The following NOC2L variants were observed in gnomAD, a reference collection of about 807,000 sequenced individuals.
The protein encoded by NOC2L is NOC2 like nucleolar associated transcriptional repressor, also known as nucleolar complex protein 2 homolog.
Under a neutral mutation model 94.2 loss-of-function variants are expected in NOC2L, and 101 were observed. That is an observed-to-expected ratio of 1.07 (90% confidence interval 0.91 to 1.26). NOC2L has a LOEUF of 1.26. Ranked by LOEUF, NOC2L falls within the 50% of genes most tolerant of loss-of-function variation. NOC2L has a pLI of 0.00. For synonymous variants in NOC2L, 531 were observed against 413.4 expected (o/e 1.28, Z -3.45); for missense variants, 1,076 against 980.1 (o/e 1.10, Z -1.31).
chr1:954,353 G>A, intron 6 of NOC2L: 1 of 433,112 alleles, frequency 2.3e-6, no homozygotes, highest in Non-Finnish European at 4.1e-6. Context: ...GTCCCCGGAA[G>A]TCCCAGCCTC....
intron 12 of NOC2L, among the ~76,000 whole-genome samples, chr1:950,533 ACACGCAAAG>A (rs1468642226): frequency 1.3e-5 from 2 of 152,080 alleles, no homozygotes; most frequent in African/African-American, 4.8e-5. Flanking sequence ...ACGCAAAGGT[ACACGCAAAG>A]GTACACACAT....
intron 6 of NOC2L, 46 bp downstream of exon 6, chr1:955,877 C>T (rs1396276331): frequency 1.3e-6 from 2 of 1,510,148 alleles, no homozygotes; most frequent in Admixed American, 1.7e-5. Flanking sequence ...GTGTGTGGTC[C>T]CGACCCACCT....
chr1:952,261 C>T (rs1642280339), intron 10 of NOC2L, 122 bp from the exon 11 acceptor site: 1 of 1,394,630 alleles, frequency 7.2e-7, no homozygotes, highest in Non-Finnish European at 9.9e-7. Flanking sequence ...ACCCATCCAC[C>T]CTTCCCCCAC....
Position 959,014 on chromosome 1 carries a change from A to C in NOC2L, c.94T>G (p.Ser32Ala). The C allele has an allele frequency of 6.2e-7, 1 of 1,612,334 alleles. No individual in the cohort carries two copies. The highest frequency in any genetic ancestry group is 8.5e-7 in the Non-Finnish European group (1 of 1,179,742). Reference protein sequence around the residue: ...SGFDSESESESENSPQAETRE... With the variant: ...SGFDSESESEAENSPQAETRE... ...GTCTCCGCTTGTGGAGAATTTTCGGACTCGGATTCGGACTCGGAGTCAAAG... is the reference window on the plus strand; with the variant it reads ...GTCTCCGCTTGTGGAGAATTTTCGGCCTCGGATTCGGACTCGGAGTCAAAG... Residue 32 changes from serine (S) to alanine (A), a missense_variant, in exon 2 of 19, where the codon TCC becomes GCC. This residue lies in a region of NOC2L where 457 missense variants were observed against 386.0 expected (regional missense o/e 1.18). Coordinates refer to ENST00000327044, the MANE Select transcript of NOC2L (RefSeq NM_015658.4).
intron 6 of NOC2L, 134 bp from the exon 7 acceptor site, chr1:954,216 A>T: frequency 1.3e-6 from 1 of 761,282 alleles, no homozygotes; most frequent in Non-Finnish European, 2.1e-6. Flanking sequence ...CCACTCAAAA[A>T]AGCTCAGGGC....
At position 956,168 on chromosome 1, in the gene NOC2L, T is replaced by G; in HGVS notation, c.534A>C (p.Arg178=). 6.2e-7 allele frequency: 1 copy of G among 1,613,800 alleles called. No homozygotes were observed. Among genetic ancestry groups the G allele is most frequent in the Non-Finnish European group, 8.5e-7 (1 of 1,179,984 alleles). Residue 178 remains arginine (R), a synonymous_variant, in exon 5 of 19, where the codon CGA becomes CGC. Coordinates refer to ENST00000327044, the MANE Select transcript of NOC2L (RefSeq NM_015658.4). ...CCCCTCGGGTGGTGGCCACAGCTGC[T>G]CGGAACGCCTGTACCACTTCATGGA... ...KLFHEVVQAF[R]AAVATTRGDQ...
intron 14 of NOC2L, among the ~76,000 whole-genome samples, chr1:947,216 A>AC (rs1642138957): frequency 6.6e-6 from 1 of 152,018 alleles, no homozygotes; most frequent in South Asian, 2.1e-4. Flanking sequence ...CCTACCCCAG[A>AC]CCCCGACCCT....
rs746453778 is a variant in NOC2L, at chr1:944,705, CTG to C, written c.2237_2238del (p.Ser746Ter). On this transcript the variant is annotated frameshift_variant, in exon 19 of 19. Transcript: ENST00000327044. LOFTEE classifies it high-confidence loss of function. ...CCAGATGGGCTGCCTCAGTCGTCCT[CTG>C]AGAGCTGCAGATCCTCCAGCTCGTC... is the stretch of plus-strand genomic sequence containing the variant. ...PEDELEDLQL[S>X]EDD The C allele has an allele frequency of 1.0e-5, 16 of 1,597,570 alleles. No homozygotes were observed. The Admixed American group carries it at 2.0e-4, about 20-fold the overall frequency.
chr1:950,363 G>C (rs954696129), intron 12 of NOC2L, among the ~76,000 whole-genome samples: 1 of 149,810 alleles, frequency 6.7e-6, no homozygotes, highest in African/African-American at 2.5e-5. Context: ...GTTCATGCAT[G>C]CACAGGTAGA....
intron 6 of NOC2L, 106 bp from the exon 7 acceptor site, chr1:954,188 CAG>C (rs745959137): frequency 9.8e-7 from 1 of 1,023,588 alleles, no homozygotes; most frequent in Admixed American, 2.5e-5. Flanking sequence ...TACGACTCTG[CAG>C]AGACCCCCCG....
chr1:956,320 A>C, intron 4 of NOC2L, 105 bp from the exon 5 acceptor site: 2 of 1,364,718 alleles, frequency 1.5e-6, no homozygotes, highest in Admixed American at 1.9e-5. Context: ...ACCCTCAGAC[A>C]TAGGGCAGAG....
At chr1:950,616 T>C (rs1438520415) in intron 12 of NOC2L, among the ~76,000 whole-genome samples, 1 of 152,022 alleles carries the variant, frequency 6.6e-6, no homozygotes, top group Non-Finnish European at 1.5e-5. Context: ...CATTCATGGA[T>C]ACACGTGCAT....
chr1:951,684 C>T (rs1642264167), intron 11 of NOC2L, among the ~76,000 whole-genome samples: 2 of 152,244 alleles, frequency 1.3e-5, no homozygotes, highest in South Asian at 4.1e-4. Context: ...CAGATGTGCT[C>T]CACCCAAGAA....
chr1:956,259 G>C (rs1259784439), intron 4 of NOC2L, 44 bp from the exon 5 acceptor site: 1 of 1,605,092 alleles, frequency 6.2e-7, no homozygotes, highest in Non-Finnish European at 8.5e-7. Flanking sequence ...AGCTGAGACT[G>C]CACTTGGCAG....
rs200473971 is a variant in NOC2L, at chr1:953,305, G to A, written c.889-17C>T. 124 of 1,448,108 alleles carry A rather than the reference G, an allele frequency of 8.6e-5. No homozygotes were observed. Among genetic ancestry groups the A allele is most frequent in the Non-Finnish European group, 1.1e-4 (118 of 1,030,032 alleles). 89.7% of individuals were successfully genotyped at this position (1,448,108 alleles called of 1,614,324 possible). A position where few individuals can be genotyped will look rare whatever the true frequency, so the allele number is the denominator to read the frequency against. On this transcript the variant is annotated splice_polypyrimidine_tract_variant and intron_variant, in intron 8 of 18. Transcript: ENST00000327044. ...CACCATTCTCTGCAGAAGGTCAGAC[G>A]TCACTGGTGGCCCCCCAGCCTCCTC...
At chr1:956,779 G>A in intron 4 of NOC2L, 115 bp downstream of exon 4, 10 of 1,488,406 alleles carry the variant, frequency 6.7e-6, no homozygotes, top group Non-Finnish European at 9.2e-6. Flanking sequence ...GTGAGGCAAG[G>A]CCAGATCTCT....
rs1178329196 is a variant in NOC2L at position 953,999 on chromosome 1, A to G, written c.777+5T>C. 3 of 1,605,372 alleles carry G rather than the reference A, an allele frequency of 1.9e-6. No homozygotes were observed. Among genetic ancestry groups the G allele is most frequent in the African/African-American group, 1.3e-5 (1 of 74,684 alleles). On this transcript the variant is annotated splice_donor_5th_base_variant and intron_variant, in intron 7 of 18. Transcript: ENST00000327044. ...GCCCCCGTGCCCTCCCCACCAGAAT[A>G]GCACCTGTATGGCCGAGCCCAGGTA... is the stretch of plus-strand genomic sequence containing the variant.
intron 11 of NOC2L, 66 bp downstream of exon 11, chr1:951,934 C>T: frequency 6.5e-7 from 1 of 1,548,734 alleles, no homozygotes; most frequent in Non-Finnish European, 8.7e-7. Flanking sequence ...AGGCACCGCC[C>T]ACACAGTCCC....
At chr1:957,417 C>G in intron 2 of NOC2L, 144 bp from the exon 3 acceptor site, 1 of 713,060 alleles carries the variant, frequency 1.4e-6, no homozygotes, top group Non-Finnish European at 2.3e-6. Flanking sequence ...GGCAGACTCA[C>G]GTCTCCTACC....
Sources: allele counts gnomAD v4.1 joint callset (sites outside exome capture counted in the v4.1 genomes callset), GRCh38; gene constraint gnomAD v4.1.1; regional missense constraint gnomAD v4.1.1; transcripts MANE v1.5; gene names NCBI Gene and HGNC (gene_info 2026-07-23, HGNC 2026-07-21).